Variants in CSMD1 observed in about 807,000 individuals in gnomAD.
CSMD1 encodes CUB and sushi domain-containing protein 1.
CSMD1 carries 213 observed loss-of-function variants against 417.5 expected under a neutral mutation model. The ratio of observed to expected loss-of-function variants is 0.51; its 90% confidence interval spans 0.46 to 0.57. The LOEUF is 0.57. Among genes scored for constraint, CSMD1 ranks in the 20% least tolerant of loss-of-function variants. The probability of loss-of-function intolerance (pLI) is 0.00; values close to 1 mark genes in which losing one functional copy is unlikely to be tolerated. For missense variants in CSMD1, 6,923 were observed against 4,529.7 expected (o/e 1.53, Z -15.17); for synonymous variants, 2,862 against 1,736.8 (o/e 1.65, Z -16.11).
chr8:3,222,416 C>T (rs573036808), intron 28 of CSMD1, among the ~76,000 whole-genome samples: 1 of 152,106 alleles, frequency 6.6e-6, no homozygotes, highest in Admixed American at 6.5e-5. Flanking sequence ...CTCCAACAGT[C>T]CTCCTGCCTC....
chr8:3,885,530 T>C (rs1356657108), intron 5 of CSMD1, among the ~76,000 whole-genome samples: 1 of 152,150 alleles, frequency 6.6e-6, no homozygotes, highest in Non-Finnish European at 1.5e-5. Context: ...TGTCTCAGAA[T>C]ACTAGGGAAA....
intron 6 of CSMD1, among the ~76,000 whole-genome samples, chr8:3,733,825 A>C (rs923604871): frequency 2.0e-5 from 3 of 152,138 alleles, no homozygotes; most frequent in African/African-American, 7.2e-5. Flanking sequence ...TTACTTTATT[A>C]TTAGTTATTG....
chr8:4,928,608 C>T (rs781580719), intron 1 of CSMD1, among the ~76,000 whole-genome samples: 31 of 152,256 alleles, frequency 2.0e-4, no homozygotes, highest in Middle Eastern at 6.8e-3. Flanking sequence ...TCCACAAACG[C>T]GCTGAGAAGT....
intron 3 of CSMD1, among the ~76,000 whole-genome samples, chr8:4,140,223 A>G (rs1803702060): frequency 7.7e-6 from 1 of 129,292 alleles, no homozygotes; most frequent in African/African-American, 2.6e-5. Context: ...ATTCATCTGG[A>G]TATGAAGGCT....
At chr8:4,854,858 G>A (rs1402368488) in intron 1 of CSMD1, among the ~76,000 whole-genome samples, 1 of 152,214 alleles carries the variant, frequency 6.6e-6, no homozygotes, top group Non-Finnish European at 1.5e-5. Flanking sequence ...CCATTGCCCA[G>A]GCTTGCTTAG....
chr8:3,316,860 A>G (rs762594039), intron 23 of CSMD1, among the ~76,000 whole-genome samples: 6 of 152,140 alleles, frequency 3.9e-5, no homozygotes, highest in Admixed American at 6.5e-5. Flanking sequence ...TTTCAGAGAG[A>G]TAATCAGAAG....
At chr8:4,260,858 G>T (rs12677331) in intron 3 of CSMD1, among the ~76,000 whole-genome samples, 3 of 152,016 alleles carry the variant, frequency 2.0e-5, no homozygotes, top group African/African-American at 4.8e-5. Flanking sequence ...TTTTTTGTTA[G>T]AAAGACAAAT....
chr8:3,745,708 C>T (rs961871175), intron 6 of CSMD1, among the ~76,000 whole-genome samples: 12 of 152,192 alleles, frequency 7.9e-5, no homozygotes, highest in African/African-American at 2.9e-4. Context: ...ACGTTAACCT[C>T]CTCAGAGTAG....
intron 23 of CSMD1, among the ~76,000 whole-genome samples, chr8:3,326,621 T>A (rs1463626774): frequency 6.6e-6 from 1 of 152,250 alleles, no homozygotes; most frequent in Non-Finnish European, 1.5e-5. Context: ...ATTGTATGTT[T>A]GCATTCCCAG....
chr8:3,118,732 C>A lies in CSMD1; in HGVS notation c.6242-145G>T, dbSNP rs1817014040. ...GGTATATTTTCTAAGTAGTCAGTTG[C>A]CATCCAGACCAATATAATTATTATT... is the stretch of plus-strand genomic sequence containing the variant. On this transcript the variant is annotated intron_variant, in intron 41 of 69. Coordinates refer to ENST00000635120, the MANE Select transcript of CSMD1 (RefSeq NM_033225.6). 3 of 629,126 alleles carry A rather than the reference C, an allele frequency of 4.8e-6. No individual in the cohort carries two copies. In the East Asian group the frequency reaches 8.4e-5, roughly 18 times the overall value. 39.0% of individuals were successfully genotyped at this position (629,126 alleles called of 1,614,324 possible). A position where few individuals can be genotyped will look rare whatever the true frequency, so the allele number is the denominator to read the frequency against.
chr8:3,153,115 G>C (rs1309140065), intron 39 of CSMD1, among the ~76,000 whole-genome samples: 1 of 152,166 alleles, frequency 6.6e-6, no homozygotes, highest in East Asian at 1.9e-4. Flanking sequence ...TGACAAAACA[G>C]GCTGCAGTAA....
In CSMD1 at chr8:4,362,341, C is replaced by T. The variant is rs1458873300; in HGVS notation, c.415+57612G>A. Reference sequence around the variant, plus strand: ...GGGTTGTAACTGAACCTTGAGACCCCAAGCTCATCTGTCTGCCCCCTGCAC... The same window carrying T: ...GGGTTGTAACTGAACCTTGAGACCCTAAGCTCATCTGTCTGCCCCCTGCAC... On this transcript the variant is annotated intron_variant, in intron 3 of 69. Transcript: ENST00000635120. Among the ~76,000 whole-genome samples, 4 of 152,120 alleles carry T rather than the reference C, an allele frequency of 2.6e-5. No homozygotes were observed. The South Asian group carries it at 8.3e-4, about 32-fold the overall frequency.
intron 1 of CSMD1, among the ~76,000 whole-genome samples, chr8:4,686,126 A>T (rs956800624): frequency 6.6e-6 from 1 of 152,108 alleles, no homozygotes; most frequent in Non-Finnish European, 1.5e-5. Context: ...AAAATTTGAG[A>T]TGCCAAATTA....
intron 2 of CSMD1, among the ~76,000 whole-genome samples, chr8:4,445,602 T>G (rs1798735842): frequency 6.6e-6 from 1 of 152,164 alleles, no homozygotes; most frequent in South Asian, 2.1e-4. Flanking sequence ...GAAAGAACTG[T>G]GTGTTCAGAG....
At chr8:3,520,028 A>ATG (rs1292054009) in intron 10 of CSMD1, among the ~76,000 whole-genome samples, 2 of 145,744 alleles carry the variant, frequency 1.4e-5, no homozygotes, top group African/African-American at 5.3e-5. Context: ...ACCTATATAT[A>ATG]TATATATATA....
intron 2 of CSMD1, among the ~76,000 whole-genome samples, chr8:4,492,531 C>G (rs1221150285): frequency 6.6e-6 from 1 of 152,146 alleles, no homozygotes; most frequent in Non-Finnish European, 1.5e-5. Context: ...TATAATATTT[C>G]TCACATGATT....
chr8:4,075,777 T>C (rs1408980606), intron 3 of CSMD1, among the ~76,000 whole-genome samples: 1 of 152,080 alleles, frequency 6.6e-6, no homozygotes, highest in Admixed American at 6.5e-5. Flanking sequence ...CCTAGCCAGG[T>C]TTCTCAAGAG....
intron 4 of CSMD1, among the ~76,000 whole-genome samples, chr8:4,022,569 G>C (rs1277811387): frequency 6.6e-6 from 1 of 152,174 alleles, no homozygotes; most frequent in Non-Finnish European, 1.5e-5. Context: ...GGTGTGCATT[G>C]AGGGCACGAG....
intron 4 of CSMD1, among the ~76,000 whole-genome samples, chr8:4,020,986 G>A (rs932828596): frequency 6.6e-6 from 1 of 152,190 alleles, no homozygotes; most frequent in African/African-American, 2.4e-5. Context: ...TGCCTTATCA[G>A]TCTTTATGAT....
Sources: gnomAD v4.1 joint callset for allele counts (sites outside exome capture counted in the v4.1 genomes callset) on GRCh38, gnomAD v4.1.1 for gene constraint, MANE v1.5 for transcripts, NCBI Gene and HGNC (gene_info 2026-07-23, HGNC 2026-07-21) for gene names.